The following QPRT variants were observed in gnomAD, a reference collection of about 807,000 sequenced individuals.
QPRT encodes the protein nicotinate-nucleotide pyrophosphorylase [carboxylating].
Under a neutral mutation model 19.8 loss-of-function variants are expected in QPRT, and 17 were observed. The ratio of observed to expected loss-of-function variants is 0.86; its 90% CI spans 0.59 to 1.29. QPRT has a LOEUF of 1.29. Among genes scored for constraint, QPRT ranks in the 50% most tolerant of loss-of-function variants. QPRT has a pLI of 0.00. For missense variants in QPRT, 336 were observed against 405.1 expected (o/e 0.83, Z 1.46); for synonymous variants, 178 against 191.0 (o/e 0.93, Z 0.56).
chr16:29,687,524 A>G (rs1471695481), intron 1 of QPRT, among the ~76,000 whole-genome samples: 3 of 152,164 alleles, frequency 2.0e-5, no homozygotes, highest in Non-Finnish European at 4.4e-5. Context: ...TTGGGTTCCT[A>G]ATCTGTGACA....
rs149229023 is a variant in QPRT, at chr16:29,697,404, T to G, written c.887T>G (p.Ile296Ser). Reference protein sequence around the residue: ...FAKEVAPVPKIH With the variant: ...FAKEVAPVPKSH ...AAAGAGGTGGCTCCAGTGCCCAAAA[T>G]CCACTAGTCCTAAACCGGAAGAGGA... Residue 296 changes from isoleucine (I) to serine (S), a missense_variant, in exon 4 of 4, where the codon ATC becomes AGC. Physicochemically the swap from Ile to Ser is moderately radical, Grantham distance 142. Coordinates refer to ENST00000395384, the MANE Select transcript of QPRT (RefSeq NM_014298.6). The surrounding 1 kb of genome is among the most constrained non-coding windows in gnomAD (Gnocchi z 4.4). The G allele has an allele frequency of 4.1e-5, 66 of 1,611,462 alleles. No homozygotes were observed. The highest frequency in any genetic ancestry group is 5.3e-5 in the Non-Finnish European group (63 of 1,179,622).
chr16:29,686,108 C>T (rs191536258), intron 1 of QPRT, among the ~76,000 whole-genome samples: 1 of 152,148 alleles, frequency 6.6e-6, no homozygotes, highest in Non-Finnish European at 1.5e-5. Flanking sequence ...GATCGGCCCA[C>T]CTCGGCCTCC....
At chr16:29,679,057 G>A (rs756601655), upstream of QPRT, 1 of 1,463,048 alleles carries the variant, frequency 6.8e-7, no homozygotes, top group East Asian at 2.3e-5. Flanking sequence ...AGGACAGGAG[G>A]GAGGCTTGGG....
intron 1 of QPRT, among the ~76,000 whole-genome samples, chr16:29,692,197 C>T (rs757560181): frequency 6.6e-6 from 1 of 152,198 alleles, no homozygotes; most frequent in African/African-American, 2.4e-5. Flanking sequence ...CATGCAGGGC[C>T]CATCACGGGC....
Position 29,696,951 on chromosome 16 carries a change from G to T in QPRT, c.550-45G>T, listed in dbSNP as rs571237808. On this transcript the variant is annotated intron_variant, in intron 2 of 3. Coordinates refer to ENST00000395384, the MANE Select transcript of QPRT (RefSeq NM_014298.6). ...CCGGCTCCCTGCGCCCCAGTGCCAG[G>T]TGCTGGGCCCAGTCCTCACCCTTGT... is the stretch of plus-strand genomic sequence containing the variant. 6 of 1,542,274 alleles carry T rather than the reference G, an allele frequency of 3.9e-6. No homozygotes were observed. The South Asian group carries it at 7.3e-5, about 19-fold the overall frequency.
intron 1 of QPRT, among the ~76,000 whole-genome samples, chr16:29,686,502 G>A (rs1236253807): frequency 6.6e-6 from 1 of 152,090 alleles, no homozygotes; most frequent in African/African-American, 2.4e-5. Flanking sequence ...AAAGTCTTTT[G>A]TTTTTTGTTT....
In QPRT at chr16:29,685,766, G is replaced by A. The variant is rs576337874; in HGVS notation, c.13+6556G>A. Among the ~76,000 whole-genome samples, 26 of 152,248 alleles carry A rather than the reference G, an allele frequency of 1.7e-4. No individual in the cohort carries two copies. The East Asian group carries it at 3.7e-3, about 22-fold the overall frequency. ...TGTAATCCCAGCACTTTGGGAGGCC[G>A]AGGTGGGAGGACTGCTTGAGCCCAG... On this transcript the variant is annotated intron_variant, in intron 1 of 3. Coordinates refer to ENST00000395384, the MANE Select transcript of QPRT (RefSeq NM_014298.6).
Position 29,679,219 on chromosome 16 carries a change from A to C in QPRT, c.13+9A>C. 1 of 1,604,974 alleles carries C rather than the reference A, an allele frequency of 6.2e-7. No individual in the cohort carries two copies. The highest frequency in any genetic ancestry group is 1.1e-5 in the South Asian group (1 of 90,812). On this transcript the variant is annotated intron_variant, in intron 1 of 3. Coordinates refer to ENST00000395384, the MANE Select transcript of QPRT (RefSeq NM_014298.6). ...CACCATGGACGCTGAAGGTAAAGGG[A>C]CACTCTCTCTGCCATGTCCCTGCAC...
chr16:29,687,327 G>A (rs1967192332), intron 1 of QPRT, among the ~76,000 whole-genome samples: 1 of 152,130 alleles, frequency 6.6e-6, no homozygotes, highest in Non-Finnish European at 1.5e-5. Flanking sequence ...TGGTCAAAAC[G>A]GCCAAATATT....
intron 2 of QPRT, 189 bp from the exon 3 acceptor site, chr16:29,696,807 C>T: frequency 1.6e-6 from 1 of 632,248 alleles, no homozygotes; most frequent in Non-Finnish European, 2.6e-6. Flanking sequence ...AAAAACAACC[C>T]CAAAGTCTGG....
Position 29,695,075 on chromosome 16 carries a change from C to G in QPRT, c.425C>G (p.Pro142Arg). ...GTGGCAGGCACGAGGAAGACCACGCCAGGCTTCCGGCTGGTGGAGAAGTAT... is the reference window on the plus strand; with the variant it reads ...GTGGCAGGCACGAGGAAGACCACGCGAGGCTTCCGGCTGGTGGAGAAGTAT... Reference protein sequence around the residue: ...GHVAGTRKTTPGFRLVEKYGL... With the variant: ...GHVAGTRKTTRGFRLVEKYGL... Residue 142 changes from proline to arginine, a missense_variant, in exon 2 of 4, where the codon CCA becomes CGA. By Grantham distance (103) the Pro-to-Arg change is moderately radical. Transcript: ENST00000395384. 1 of 1,606,496 alleles carries G rather than the reference C, an allele frequency of 6.2e-7. No homozygotes were observed. Among genetic ancestry groups the G allele is most frequent in the South Asian group, 1.1e-5 (1 of 90,670 alleles).
chr16:29,681,189 C>G (rs1966991421), intron 1 of QPRT, among the ~76,000 whole-genome samples: 1 of 152,042 alleles, frequency 6.6e-6, no homozygotes, highest in Admixed American at 6.6e-5. Context: ...ATCCTGACTG[C>G]CACTCAGCAG....
chr16:29,694,562 A>T, intron 1 of QPRT, 102 bp from the exon 2 acceptor site: 2 of 1,147,088 alleles, frequency 1.7e-6, no homozygotes, highest in Non-Finnish European at 2.3e-6. Flanking sequence ...CTTGAGGCTG[A>T]TGGGCCAGTT....
Position 29,698,385 on chromosome 16 carries a change from G to T in QPRT, c.*974G>T, listed in dbSNP as rs968636533. 6.6e-6 allele frequency: 1 copy of T among 152,040 alleles called. No individual in the cohort carries two copies. Among genetic ancestry groups the T allele is most frequent in the African/African-American group, 2.4e-5 (1 of 41,354 alleles). 9.4% of individuals were successfully genotyped at this position (152,040 alleles called of 1,614,324 possible). ...TAAGATAAATAGCCAGAAGACCTTG[G>T]CGACACCACCCGGCCCTGGTAGTTA... is the stretch of plus-strand genomic sequence containing the variant. On this transcript the variant is annotated 3_prime_UTR_variant, in exon 4 of 4. Transcript: ENST00000395384.
At chr16:29,692,248 CTTATTTATTTATTTAT>C (rs113592039) in intron 1 of QPRT, among the ~76,000 whole-genome samples, 1 of 151,012 alleles carries the variant, frequency 6.6e-6, no homozygotes, top group Non-Finnish European at 1.5e-5. Context: ...GTCCACTATC[CTTATTTATTTATTTAT>C]TTATTTATTT....
At position 29,697,362 on chromosome 16, in the gene QPRT, C is replaced by T. The variant is rs781653676; in HGVS notation, c.845C>T (p.Ser282Phe). 7 of 1,613,900 alleles carry T rather than the reference C, an allele frequency of 4.3e-6. No homozygotes were observed. Among genetic ancestry groups the T allele is most frequent in the South Asian group, 1.1e-5 (1 of 91,090 alleles). ...LTQAAPALDF[S>F]LKLFAKEVAP... ...CAGGCGGCCCCAGCCCTTGATTTCT[C>T]CCTCAAGCTGTTTGCCAAAGAGGTG... The change falls in exon 4 of 4, where the codon TCC becomes TTC. Residue 282 changes from serine to phenylalanine, a missense_variant. Physicochemically the swap from Ser to Phe is radical, Grantham distance 155. Coordinates refer to ENST00000395384, the MANE Select transcript of QPRT (RefSeq NM_014298.6). The surrounding 1 kb of genome is among the most constrained non-coding windows in gnomAD (Gnocchi z 4.4).
At chr16:29,679,052 A>T, upstream of QPRT, 1 of 1,432,288 alleles carries the variant, frequency 7.0e-7, no homozygotes, top group Non-Finnish European at 9.7e-7. Flanking sequence ...GGCAGAGGAC[A>T]GGAGGGAGGC....
chr16:29,679,500 G>A (rs939893969), intron 1 of QPRT, among the ~76,000 whole-genome samples: 1 of 152,114 alleles, frequency 6.6e-6, no homozygotes, highest in African/African-American at 2.4e-5. Context: ...CGTCTCCTGG[G>A]GGCAGTGGGG....
At chr16:29,691,934 C>T (rs1967351243) in intron 1 of QPRT, among the ~76,000 whole-genome samples, 1 of 152,178 alleles carries the variant, frequency 6.6e-6, no homozygotes, top group Non-Finnish European at 1.5e-5. Context: ...CAAGAGAGGG[C>T]CCTCTTTGGA....
Sources: allele counts gnomAD v4.1 joint callset (sites outside exome capture counted in the v4.1 genomes callset), GRCh38; gene constraint gnomAD v4.1.1; non-coding constraint Gnocchi (gnomAD v3.1); transcripts MANE v1.5; gene names NCBI Gene and HGNC (gene_info 2026-07-23, HGNC 2026-07-21).